Variants in CWF19L2 observed in about 807,000 individuals in gnomAD.
CWF19L2 encodes the protein CWF19-like protein 2.
CWF19L2 carries 98 observed loss-of-function variants against 111.7 expected under a neutral mutation model. That is an observed-to-expected ratio of 0.88 (90% CI 0.75 to 1.04). The LOEUF is 1.04. Among genes scored for constraint, CWF19L2 ranks in the 50% least tolerant of loss-of-function variants. CWF19L2 has a pLI of 0.00. For missense variants in CWF19L2, 1,101 were observed against 1,051.4 expected, an observed-to-expected ratio of 1.05 and a Z score of -0.65; for synonymous variants, 351 against 342.9, an observed-to-expected ratio of 1.02 and a Z score of -0.26.
At chr11:107,438,797 C>T (rs1425127391) in intron 6 of CWF19L2, among the ~76,000 whole-genome samples, 1 of 152,112 alleles carries the variant, frequency 6.6e-6, no homozygotes, top group African/African-American at 2.4e-5. Flanking sequence ...GTAATCCTTG[C>T]ACTTTGGCAG....
At chr11:107,406,329 T>C (rs1397944833) in intron 10 of CWF19L2, among the ~76,000 whole-genome samples, 2 of 152,230 alleles carry the variant, frequency 1.3e-5, no homozygotes, top group Admixed American at 1.3e-4. Flanking sequence ...ACTTTTATCT[T>C]TTAAAATTTC....
At chr11:107,454,321 C>G in intron 3 of CWF19L2, 129 bp downstream of exon 3, 1 of 679,392 alleles carries the variant, frequency 1.5e-6, no homozygotes, top group Non-Finnish European at 2.1e-6. Flanking sequence ...TAGATGTATC[C>G]CAGATATTTT....
intron 16 of CWF19L2, among the ~76,000 whole-genome samples, chr11:107,332,886 C>T (rs1441649052): frequency 2.0e-5 from 3 of 151,984 alleles, no homozygotes; most frequent in East Asian, 1.9e-4. Context: ...CTTTGGGAGG[C>T]GGAGGCGGGC....
intron 12 of CWF19L2, among the ~76,000 whole-genome samples, chr11:107,386,306 T>C (rs1860765738): frequency 1.3e-5 from 2 of 152,014 alleles, no homozygotes. Flanking sequence ...GAGCCGCCAC[T>C]CCTGTTCATT....
intron 12 of CWF19L2, among the ~76,000 whole-genome samples, chr11:107,365,155 G>A (rs1455031695): frequency 7.1e-6 from 1 of 140,474 alleles, no homozygotes; most frequent in African/African-American, 2.8e-5. Flanking sequence ...AGACCAATAA[G>A]AAGAGCTGAA....
intron 12 of CWF19L2, among the ~76,000 whole-genome samples, chr11:107,363,418 G>C (rs1368297314): frequency 2.0e-5 from 3 of 152,228 alleles, no homozygotes; most frequent in East Asian, 1.9e-4. Flanking sequence ...AGGGCAGCCA[G>C]AGAGAAAGGT....
intron 13 of CWF19L2, among the ~76,000 whole-genome samples, chr11:107,352,273 G>A (rs571850343): frequency 7.0e-5 from 4 of 57,312 alleles, no homozygotes; most frequent in Middle Eastern, 8.9e-3. Context: ...TTCCTCTTTC[G>A]TGTTCCCACG....
chr11:107,358,244 C>A (rs926739575), intron 12 of CWF19L2, among the ~76,000 whole-genome samples: 1 of 151,870 alleles, frequency 6.6e-6, no homozygotes, highest in Non-Finnish European at 1.5e-5. Context: ...TGGCTTACCA[C>A]AGGGGTGCCC....
chr11:107,335,238 T>G (rs1859905239), intron 15 of CWF19L2, among the ~76,000 whole-genome samples: 1 of 152,166 alleles, frequency 6.6e-6, no homozygotes, highest in African/African-American at 2.4e-5. Context: ...ACCAATCAAT[T>G]TAATATGAAA....
chr11:107,449,132 C>T (rs1339494881), intron 3 of CWF19L2, among the ~76,000 whole-genome samples: 2 of 101,564 alleles, frequency 2.0e-5, no homozygotes, highest in East Asian at 2.8e-4. Flanking sequence ...TGACATTTTA[C>T]AGTGCAAAAA....
intron 17 of CWF19L2, 58 bp from the exon 18 acceptor site, chr11:107,327,111 TGAA>T: frequency 1.3e-5 from 18 of 1,433,190 alleles, no homozygotes; most frequent in Non-Finnish European, 1.6e-5. Context: ...AAAACAGAAA[TGAA>T]ACTATTTCTG....
intron 14 of CWF19L2, among the ~76,000 whole-genome samples, chr11:107,348,310 T>G (rs1171502010): frequency 1.3e-5 from 2 of 152,142 alleles, no homozygotes; most frequent in African/African-American, 4.8e-5. Context: ...AATAAAGAGT[T>G]TTCTTCCTTT....
intron 1 of CWF19L2, 113 bp from the exon 2 acceptor site, chr11:107,455,889 G>GA: frequency 1.6e-6 from 1 of 606,928 alleles, no homozygotes; most frequent in East Asian, 2.9e-5. Flanking sequence ...ACTCATGAAT[G>GA]AATGTCTATT....
rs746760144 is a variant in CWF19L2 at position 107,349,070 on chromosome 11, C to T, written c.2086-17G>A. On this transcript the variant is annotated splice_polypyrimidine_tract_variant and intron_variant, in intron 13 of 17. Transcript: ENST00000282251. ...TAAATAAACCTATAAGAGAGAAATA[C>T]AAAAGGTGAAATGTTATTGTTATTT... is the stretch of plus-strand genomic sequence containing the variant. 3.8e-6 allele frequency: 5 copies of T among 1,315,088 alleles called. No homozygotes were observed. The highest frequency in any genetic ancestry group is 5.4e-6 in the Non-Finnish European group (5 of 926,068). The allele number at this position is 1,315,088 out of a possible 1,614,324, so 81.5% of individuals were successfully genotyped here. A position where few individuals can be genotyped will look rare whatever the true frequency, so the allele number is the denominator to read the frequency against.
intron 12 of CWF19L2, among the ~76,000 whole-genome samples, chr11:107,361,033 T>TGTCCAGAA (rs1285731146): frequency 3.9e-5 from 6 of 152,244 alleles, no homozygotes; most frequent in Non-Finnish European, 8.8e-5. Flanking sequence ...CCTAGATCAA[T>TGTCCAGAA]GTCCAGAAGA....
chr11:107,431,770 A>G (rs1321012080), intron 7 of CWF19L2, among the ~76,000 whole-genome samples: 2 of 152,168 alleles, frequency 1.3e-5, no homozygotes, highest in Admixed American at 6.5e-5. Context: ...AGAAAAATCA[A>G]TGAAACAGAT....
intron 10 of CWF19L2, among the ~76,000 whole-genome samples, chr11:107,395,088 T>C: frequency 6.6e-6 from 1 of 152,184 alleles, no homozygotes. Context: ...TCTCATCTTG[T>C]AGCTCCCATA....
Position 107,445,296 on chromosome 11 carries a change from CTT to C in CWF19L2, c.340-2249_340-2248del, listed in dbSNP as rs1442606612. On this transcript the variant is annotated intron_variant, in intron 3 of 17. Coordinates refer to ENST00000282251, the MANE Select transcript of CWF19L2 (RefSeq NM_152434.3). ...CAACCAAAATACCAACTAATATTCTCTTCTTTGATCCTTAAAGTAGCACCCCA... is the reference window on the plus strand; with the variant it reads ...CAACCAAAATACCAACTAATATTCTCCTTTGATCCTTAAAGTAGCACCCCA... 4.6e-5 allele frequency among the ~76,000 whole-genome samples: 7 copies of C among 152,296 alleles called. No individual in the cohort carries two copies. In the East Asian group the frequency reaches 1.4e-3, roughly 29 times the overall value.
At chr11:107,380,030 G>C (rs955370910) in intron 12 of CWF19L2, among the ~76,000 whole-genome samples, 1 of 103,854 alleles carries the variant, frequency 9.6e-6, no homozygotes, top group African/African-American at 3.8e-5. Flanking sequence ...CTGGGCGACA[G>C]AGCGAGACAC....
Sources: gnomAD v4.1 joint callset for allele counts (sites outside exome capture counted in the v4.1 genomes callset) on GRCh38, gnomAD v4.1.1 for gene constraint, MANE v1.5 for transcripts, NCBI Gene and HGNC (gene_info 2026-07-23, HGNC 2026-07-21) for gene names.